The following GRHL2 variants were observed in gnomAD, a reference collection of about 807,000 sequenced individuals.
GRHL2 encodes grainyhead like transcription factor 2.
In GRHL2, 21 loss-of-function variants were observed where a neutral mutation model predicts 83.8. That is an observed-to-expected ratio of 0.25 (90% CI 0.18 to 0.36). The LOEUF (loss-of-function observed/expected upper bound fraction) is 0.36. GRHL2 is among the 10% of genes least tolerant of loss of function. The pLI, the probability that GRHL2 is intolerant of heterozygous loss-of-function variation, is 1.00. For synonymous variants in GRHL2, 280 were observed against 278.9 expected (o/e 1.00, Z -0.04); for missense variants, 623 against 781.8 (o/e 0.80, Z 2.42).
At chr8:101,580,445 T>G (rs1055418374) in intron 7 of GRHL2, among the ~76,000 whole-genome samples, 4 of 152,160 alleles carry the variant, frequency 2.6e-5, no homozygotes, top group African/African-American at 4.8e-5. Context: ...CCAACCTCTC[T>G]TCATCCCTCC....
At chr8:101,528,172 ATTGAAC>A (rs1810845768) in intron 1 of GRHL2, among the ~76,000 whole-genome samples, 1 of 152,108 alleles carries the variant, frequency 6.6e-6, no homozygotes. Context: ...CTCTTGTTAA[ATTGAAC>A]TTTATACCTG....
At chr8:101,519,474 C>T (rs972343661) in intron 1 of GRHL2, among the ~76,000 whole-genome samples, 1 of 151,848 alleles carries the variant, frequency 6.6e-6, no homozygotes, top group Non-Finnish European at 1.5e-5. Flanking sequence ...TCATAGCTCA[C>T]TGCAGCCTCA....
intron 9 of GRHL2, among the ~76,000 whole-genome samples, chr8:101,620,695 G>A (rs1019626385): frequency 1.3e-5 from 2 of 152,230 alleles, no homozygotes; most frequent in African/African-American, 2.4e-5. Context: ...GAAAGTAATG[G>A]GGCCACCTGA....
At chr8:101,550,818 G>C (rs1404880405) in intron 2 of GRHL2, among the ~76,000 whole-genome samples, 4 of 152,158 alleles carry the variant, frequency 2.6e-5, no homozygotes, top group African/African-American at 9.7e-5. Context: ...CTGTGAATTT[G>C]AGTCTTCTGG....
At chr8:101,559,624 T>C (rs2509767) in intron 4 of GRHL2, among the ~76,000 whole-genome samples, 86,531 of 152,062 alleles carry the variant, frequency 0.57, 26,090 homozygotes, top group Non-Finnish European at 0.68. Flanking sequence ...ATCAAGTGTG[T>C]GTATGTGTGC....
chr8:101,634,586 T>A (rs1391473380), intron 11 of GRHL2, among the ~76,000 whole-genome samples: 1 of 152,130 alleles, frequency 6.6e-6, no homozygotes, highest in African/African-American at 2.4e-5. Flanking sequence ...AGGATTGGTG[T>A]CCATCTCAGA....
In GRHL2 at chr8:101,533,393, A is replaced by G. The variant is rs527677747; in HGVS notation, c.21-9848A>G. On this transcript the variant is annotated intron_variant, in intron 1 of 15. Transcript: ENST00000646743. ...CCATAACTTTTACTTCAATTCCTCA[A>G]TGGCAATGGAGCTTTTATTCATTCA... Among the ~76,000 whole-genome samples the G allele has an allele frequency of 3.3e-5, 5 of 152,330 alleles. No individual in the cohort carries two copies. In the East Asian group the frequency reaches 5.8e-4, roughly 18 times the overall value.
At chr8:101,548,190 C>T (rs1233601457) in intron 2 of GRHL2, among the ~76,000 whole-genome samples, 5 of 152,096 alleles carry the variant, frequency 3.3e-5, no homozygotes, top group Non-Finnish European at 7.4e-5. Flanking sequence ...CACACACACC[C>T]ACCCAAAAAA....
At chr8:101,494,986 T>C (rs576073766) in intron 1 of GRHL2, among the ~76,000 whole-genome samples, 2 of 152,328 alleles carry the variant, frequency 1.3e-5, no homozygotes, top group South Asian at 4.1e-4. Context: ...CTCATTGGGC[T>C]GTTGAAAATG....
At chr8:101,498,813 T>C (rs1282574834) in intron 1 of GRHL2, among the ~76,000 whole-genome samples, 19 of 152,150 alleles carry the variant, frequency 1.2e-4, no homozygotes, top group Admixed American at 1.1e-3. Flanking sequence ...TGGTGGCTCA[T>C]GCCTGTAATC....
At chr8:101,498,674 T>C (rs1420109182) in intron 1 of GRHL2, among the ~76,000 whole-genome samples, 1 of 152,174 alleles carries the variant, frequency 6.6e-6, no homozygotes, top group Non-Finnish European at 1.5e-5. Flanking sequence ...ATGATCCCAG[T>C]GCCACCTGAC....
intron 1 of GRHL2, 173 bp downstream of exon 1, chr8:101,492,962 G>C: frequency 1.5e-6 from 1 of 683,952 alleles, no homozygotes; most frequent in East Asian, 2.7e-5. Context: ...CTGATTAAGG[G>C]GAGAAACCCT....
intron 5 of GRHL2, among the ~76,000 whole-genome samples, chr8:101,572,190 G>A (rs569743477): frequency 2.0e-5 from 3 of 152,260 alleles, no homozygotes; most frequent in African/African-American, 4.8e-5. Context: ...TAGACAAGAC[G>A]CAAGCTAGTG....
At chr8:101,618,622 C>T (rs1812901732) in intron 8 of GRHL2, among the ~76,000 whole-genome samples, 4 of 151,770 alleles carry the variant, frequency 2.6e-5, no homozygotes, top group Admixed American at 2.6e-4. Flanking sequence ...AAACCTGGGG[C>T]ATTTGACTCC....
chr8:101,646,552 G>A (rs560241762), intron 13 of GRHL2, among the ~76,000 whole-genome samples: 1 of 152,328 alleles, frequency 6.6e-6, no homozygotes, highest in Admixed American at 6.5e-5. Flanking sequence ...CTTGCTTGGA[G>A]CATCCACTGA....
At chr8:101,592,306 C>T (rs1432699572) in intron 7 of GRHL2, among the ~76,000 whole-genome samples, 3 of 151,832 alleles carry the variant, frequency 2.0e-5, no homozygotes, top group African/African-American at 7.3e-5. Flanking sequence ...GGTTTCACCA[C>T]GTTGGTCAGG....
intron 1 of GRHL2, among the ~76,000 whole-genome samples, chr8:101,497,874 T>G (rs1407538003): frequency 6.6e-6 from 1 of 152,212 alleles, no homozygotes; most frequent in Non-Finnish European, 1.5e-5. Flanking sequence ...GATTTTAACA[T>G]GGATATAAGA....
chr8:101,643,610 T>A lies in GRHL2; in HGVS notation c.1518-521T>A, dbSNP rs141372860. ...AGGAACTTCCACCACTGCAGTCTCA[T>A]CTGCTGCGGCCAGAGGGAGAGGTGG... is the stretch of plus-strand genomic sequence containing the variant. On this transcript the variant is annotated intron_variant, in intron 12 of 15. Coordinates refer to ENST00000646743, the MANE Select transcript of GRHL2 (RefSeq NM_024915.4). 1.1e-3 allele frequency among the ~76,000 whole-genome samples: 175 copies of A among 152,278 alleles called. 1 individual carries two copies. Among genetic ancestry groups the A allele is most frequent in the Admixed American group, 3.5e-3 (54 of 15,302 alleles).
intron 1 of GRHL2, among the ~76,000 whole-genome samples, chr8:101,533,831 G>T (rs917273143): frequency 6.6e-6 from 1 of 152,164 alleles, no homozygotes; most frequent in African/African-American, 2.4e-5. Context: ...AGGCCTTAAG[G>T]TGGGACCAGT....
Sources: gnomAD v4.1 joint callset for allele counts (sites outside exome capture counted in the v4.1 genomes callset) on GRCh38, gnomAD v4.1.1 for gene constraint, MANE v1.5 for transcripts, NCBI Gene and HGNC (gene_info 2026-07-23, HGNC 2026-07-21) for gene names.